Variants in ASB17 observed in about 807,000 individuals in gnomAD.
The protein encoded by ASB17 is ankyrin repeat and SOCS box protein 17.
A neutral mutation model predicts 25.7 loss-of-function variants in ASB17; 26 were observed. The ratio of observed to expected loss-of-function variants is 1.01; its 90% CI spans 0.74 to 1.40. ASB17 has a LOEUF of 1.40. Ranked by LOEUF, ASB17 falls within the 40% of genes most tolerant of loss-of-function variation. ASB17 has a pLI of 0.00. For missense variants in ASB17, 326 were observed against 338.5 expected (o/e 0.96, Z 0.29); for synonymous variants, 128 against 121.4 (o/e 1.05, Z -0.36).
chr1:75,919,434 G>A (rs1652970145), intron 2 of ASB17, among the ~76,000 whole-genome samples: 1 of 151,620 alleles, frequency 6.6e-6, no homozygotes, highest in Non-Finnish European at 1.5e-5. Flanking sequence ...TGTGCACAAT[G>A]TGCAGGTTAG....
intron 1 of ASB17, among the ~76,000 whole-genome samples, chr1:75,924,523 T>G (rs994493619): frequency 1.3e-5 from 2 of 152,074 alleles, no homozygotes; most frequent in African/African-American, 4.8e-5. Context: ...CATACATATA[T>G]GTATATATAT....
intron 1 of ASB17, among the ~76,000 whole-genome samples, chr1:75,923,941 C>A (rs114921196): frequency 1.3e-5 from 2 of 151,876 alleles, no homozygotes; most frequent in African/African-American, 4.8e-5. Flanking sequence ...AGATATAGTT[C>A]TTGACTATTA....
At chr1:75,921,965 G>C in intron 2 of ASB17, 115 bp downstream of exon 2, 1 of 884,750 alleles carries the variant, frequency 1.1e-6, no homozygotes, top group Non-Finnish European at 1.7e-6. Context: ...TATACTCAAT[G>C]ATCTGTCACT....
intron 1 of ASB17, among the ~76,000 whole-genome samples, chr1:75,931,110 C>T (rs1653310272): frequency 6.6e-6 from 1 of 152,168 alleles, no homozygotes; most frequent in South Asian, 2.1e-4. Context: ...TTTTTCATTG[C>T]ATACATGCAT....
At chr1:75,924,154 G>A (rs1439795461) in intron 1 of ASB17, among the ~76,000 whole-genome samples, 1 of 152,122 alleles carries the variant, frequency 6.6e-6, no homozygotes, top group African/African-American at 2.4e-5. Flanking sequence ...TCAAAAGAAT[G>A]TTTTAGGCAC....
At chr1:75,923,756 G>T (rs1653093564) in intron 1 of ASB17, among the ~76,000 whole-genome samples, 1 of 152,164 alleles carries the variant, frequency 6.6e-6, no homozygotes, top group Non-Finnish European at 1.5e-5. Context: ...AGAGACAAGT[G>T]TTCTAGGTTC....
intron 2 of ASB17, among the ~76,000 whole-genome samples, chr1:75,919,809 C>G (rs1472050387): frequency 6.6e-6 from 1 of 152,022 alleles, no homozygotes; most frequent in Non-Finnish European, 1.5e-5. Flanking sequence ...GGGTTGGTTC[C>G]AAGTCTTTGC....
rs752939078 is a variant in ASB17 at position 75,922,099 on chromosome 1, A to G, written c.662T>C (p.Ile221Thr). The change falls in exon 2 of 3, where the codon ATT becomes ACT. Residue 221 changes from isoleucine to threonine, a missense_variant. By Grantham distance (89) the Ile-to-Thr change is moderately conservative. Coordinates refer to ENST00000284142, the MANE Select transcript of ASB17 (RefSeq NM_080868.3). ...LVLCSRVLSV[I>T]SVKEIKTQLS... ...TCTTACCTTTATTTCCTTGACTGAA[A>G]TGACAGAAAGCACTCTGGAACATAG... 1.2e-6 allele frequency: 2 copies of G among 1,606,210 alleles called. No homozygotes were observed. Among genetic ancestry groups the G allele is most frequent in the East Asian group, 4.5e-5 (2 of 44,698 alleles).
At chr1:75,928,524 A>T (rs983989187) in intron 1 of ASB17, among the ~76,000 whole-genome samples, 1 of 152,198 alleles carries the variant, frequency 6.6e-6, no homozygotes, top group Non-Finnish European at 1.5e-5. Flanking sequence ...ATCAAATTAG[A>T]GTCTAAACAA....
chr1:75,922,718 A>G (rs571647461), intron 1 of ASB17, among the ~76,000 whole-genome samples: 1 of 150,844 alleles, frequency 6.6e-6, no homozygotes, highest in African/African-American at 2.4e-5. Context: ...CTAGTCTCAA[A>G]CTCCCAACCT....
intron 1 of ASB17, among the ~76,000 whole-genome samples, chr1:75,923,301 T>C (rs1048324194): frequency 3.3e-5 from 5 of 152,202 alleles, no homozygotes; most frequent in Non-Finnish European, 5.9e-5. Flanking sequence ...AATTTTGAAA[T>C]CTAGGGAAAT....
chr1:75,931,992 C>T lies in ASB17; in HGVS notation c.300G>A (p.Trp100Ter). Residue 100 changes from tryptophan (W) to a stop codon, truncating the protein, a stop_gained, in exon 1 of 3, where the codon TGG becomes TGA. Coordinates refer to ENST00000284142, the MANE Select transcript of ASB17 (RefSeq NM_080868.3). LOFTEE classifies it high-confidence loss of function. ...TEICVNTILY[W>*]VFARKGNPDF... is the part of the protein sequence containing the mutation. Reference sequence around the variant, plus strand: ...CAGGATTACCTTTTCTGGCAAAAACCCAGTACAGAATTGTATTCACACATA... The same window carrying T: ...CAGGATTACCTTTTCTGGCAAAAACTCAGTACAGAATTGTATTCACACATA... The T allele has an allele frequency of 1.2e-6, 2 of 1,613,980 alleles. No homozygotes were observed. Among genetic ancestry groups the T allele is most frequent in the South Asian group, 2.2e-5 (2 of 91,058 alleles).
In ASB17 at chr1:75,930,405, G is replaced by A. The variant is rs1653293804; in HGVS notation, c.401+1486C>T. On this transcript the variant is annotated intron_variant, in intron 1 of 2. Transcript: ENST00000284142. The stretch of plus-strand genomic sequence containing the variant: ...CACTAGGAAAAACAAGGACCCCAAG[G>A]CAAAGGAACGGTTTACCTAAGGAAA... Among the ~76,000 whole-genome samples, 6 of 148,796 alleles carry A rather than the reference G, an allele frequency of 4.0e-5. No individual in the cohort carries two copies. In the South Asian group the frequency reaches 1.3e-3, roughly 31 times the overall value.
rs368309117 is a variant in ASB17 at position 75,922,254 on chromosome 1, A to G, written c.507T>C (p.Tyr169=). The G allele has an allele frequency of 2.5e-6, 4 of 1,613,262 alleles. No individual in the cohort carries two copies. The highest frequency in any genetic ancestry group is 1.7e-5 in the Admixed American group (1 of 59,976). Reference sequence around the variant, plus strand: ...GGTTTTTTTCTCTTTCTAAGATTCCATATTGCAGTAGTATTTTGAAGATAT... The same window carrying G: ...GGTTTTTTTCTCTTTCTAAGATTCCGTATTGCAGTAGTATTTTGAAGATAT... ...QSNIFKILLQ[Y]GILEREKNPI... Residue 169 remains tyrosine, a synonymous_variant, in exon 2 of 3, where the codon TAT becomes TAC. Coordinates refer to ENST00000284142, the MANE Select transcript of ASB17 (RefSeq NM_080868.3).
Position 75,922,229 on chromosome 1 carries a change from G to A in ASB17, c.532C>T (p.Pro178Ser). 4 of 1,613,406 alleles carry A rather than the reference G, an allele frequency of 2.5e-6. No homozygotes were observed. Among genetic ancestry groups the A allele is most frequent in the Non-Finnish European group, 3.4e-6 (4 of 1,179,698 alleles). Residue 178 changes from proline to serine, a missense_variant, in exon 2 of 3, where the codon CCT (proline) becomes TCT (serine). Transcript: ENST00000284142. Reference sequence around the variant, plus strand: ...ACTATTGTTAAGACAATGTTGATAGGGTTTTTTTCTCTTTCTAAGATTCCA... The same window carrying A: ...ACTATTGTTAAGACAATGTTGATAGAGTTTTTTTCTCTTTCTAAGATTCCA... ...QYGILEREKN[P>S]INIVLTIVLY...
chr1:75,930,143 T>G (rs1221338254), intron 1 of ASB17, among the ~76,000 whole-genome samples: 3 of 149,956 alleles, frequency 2.0e-5, no homozygotes, highest in Admixed American at 6.7e-5. Context: ...TAAAGTCATA[T>G]GACTATATAT....
intron 1 of ASB17, among the ~76,000 whole-genome samples, chr1:75,923,891 T>C (rs1653095854): frequency 6.6e-6 from 1 of 152,170 alleles, no homozygotes; most frequent in Non-Finnish European, 1.5e-5. Flanking sequence ...TAATACTTGC[T>C]TGCCTAGAGT....
chr1:75,922,230 G>GT lies in ASB17; in HGVS notation c.530dup (p.Asn177LysfsTer21), dbSNP rs749460467. The GT allele has an allele frequency of 2.5e-6, 4 of 1,613,550 alleles. No individual in the cohort carries two copies. Among genetic ancestry groups the GT allele is most frequent in the South Asian group, 1.1e-5 (1 of 91,060 alleles). On this transcript the variant is annotated frameshift_variant, in exon 2 of 3. Coordinates refer to ENST00000284142, the MANE Select transcript of ASB17 (RefSeq NM_080868.3). LOFTEE classifies it high-confidence loss of function. ...CTATTGTTAAGACAATGTTGATAGG[G>GT]TTTTTTTCTCTTTCTAAGATTCCAT...
intron 1 of ASB17, among the ~76,000 whole-genome samples, chr1:75,926,291 A>G (rs1276970247): frequency 6.6e-6 from 1 of 152,244 alleles, no homozygotes; most frequent in Middle Eastern, 3.2e-3. Flanking sequence ...GAATAAGTAG[A>G]GCAGAATAAG....
Sources: allele counts gnomAD v4.1 joint callset (sites outside exome capture counted in the v4.1 genomes callset), GRCh38; gene constraint gnomAD v4.1.1; transcripts MANE v1.5; gene names NCBI Gene and HGNC (gene_info 2026-07-23, HGNC 2026-07-21).